The following FGF14 variants were observed in gnomAD, a reference collection of about 807,000 sequenced individuals.
FGF14 encodes fibroblast growth factor homologous factor 4.
FGF14 carries 5 observed loss-of-function variants against 25.5 expected under a neutral mutation model. That is an observed-to-expected ratio of 0.20 (90% CI 0.10 to 0.41). The LOEUF is 0.41. FGF14 is among the 10% of genes least tolerant of loss of function. The probability of loss-of-function intolerance (pLI) is 1.00; values close to 1 mark genes in which losing one functional copy is unlikely to be tolerated. For synonymous variants in FGF14, 138 were observed against 118.3 expected (o/e 1.17, Z -1.08); for missense variants, 222 against 320.1 (o/e 0.69, Z 2.34).
At chr13:102,295,361 G>GTT (rs2054649000) in intron 1 of FGF14, among the ~76,000 whole-genome samples, 1 of 152,096 alleles carries the variant, frequency 6.6e-6, no homozygotes, top group Non-Finnish European at 1.5e-5. Context: ...ATATCTAATG[G>GTT]TTCGTGGTGT....
chr13:101,715,857 G>A lies in FGF14; in HGVS notation c.*6974C>T. Reference sequence around the variant, plus strand: ...GATGCAAATAACATTAGAAAAAAAAGATTCTTCCATAATTAACATAAGTGG... The same window carrying A: ...GATGCAAATAACATTAGAAAAAAAAAATTCTTCCATAATTAACATAAGTGG... On this transcript the variant is annotated 3_prime_UTR_variant, in exon 5 of 5. Coordinates refer to ENST00000376143, the MANE Select transcript of FGF14 (RefSeq NM_004115.4). 2.2e-6 allele frequency: 1 copy of A among 460,416 alleles called. No individual in the cohort carries two copies. Among genetic ancestry groups the A allele is most frequent in the Non-Finnish European group, 3.9e-6 (1 of 257,188 alleles). 28.5% of individuals were successfully genotyped at this position (460,416 alleles called of 1,614,324 possible).
intron 1 of FGF14, among the ~76,000 whole-genome samples, chr13:102,166,262 CACTTT>C (rs1436047799): frequency 6.6e-6 from 1 of 151,242 alleles, no homozygotes; most frequent in Non-Finnish European, 1.5e-5. Context: ...ATTTGCCATT[CACTTT>C]ATTTTATTTT....
intron 1 of FGF14, among the ~76,000 whole-genome samples, chr13:102,225,280 C>T (rs1387826074): frequency 1.3e-5 from 2 of 152,054 alleles, no homozygotes; most frequent in Non-Finnish European, 2.9e-5. Flanking sequence ...CTTTCTTCAA[C>T]CCTGACTTTC....
intron 1 of FGF14, among the ~76,000 whole-genome samples, chr13:101,960,794 T>G (rs1346087455): frequency 6.6e-6 from 1 of 152,242 alleles, no homozygotes; most frequent in African/African-American, 2.4e-5. Flanking sequence ...GTTGAACTAA[T>G]GTACATTCCC....
intron 1 of FGF14, among the ~76,000 whole-genome samples, chr13:102,161,808 A>G (rs1375285741): frequency 6.6e-6 from 1 of 151,330 alleles, no homozygotes; most frequent in African/African-American, 2.4e-5. Context: ...CGTTCCCAAT[A>G]TAGTGCGCCT....
intron 1 of FGF14, among the ~76,000 whole-genome samples, chr13:101,951,469 G>T (rs958762896): frequency 6.6e-6 from 1 of 151,950 alleles, no homozygotes; most frequent in Non-Finnish European, 1.5e-5. Flanking sequence ...TTATTAAGAA[G>T]CAAGTCATTG....
intron 1 of FGF14, among the ~76,000 whole-genome samples, chr13:102,218,676 T>C (rs1031215864): frequency 6.6e-6 from 1 of 152,120 alleles, no homozygotes; most frequent in Non-Finnish European, 1.5e-5. Context: ...TTTAATCTTT[T>C]TCTTTTCGCC....
intron 1 of FGF14, among the ~76,000 whole-genome samples, chr13:102,383,067 A>C (rs891497934): frequency 3.3e-5 from 5 of 152,122 alleles, no homozygotes; most frequent in African/African-American, 4.8e-5. Context: ...AAAACTATTG[A>C]ATTGTATACT....
intron 1 of FGF14, among the ~76,000 whole-genome samples, chr13:102,187,194 C>T (rs1207136579): frequency 1.3e-5 from 2 of 152,178 alleles, no homozygotes; most frequent in East Asian, 1.9e-4. Context: ...AAGTGTGCTA[C>T]AAAAATTGCA....
At chr13:102,211,131 T>C (rs1318013762) in intron 1 of FGF14, among the ~76,000 whole-genome samples, 1 of 152,080 alleles carries the variant, frequency 6.6e-6, no homozygotes, top group Admixed American at 6.5e-5. Flanking sequence ...ATAGTTATAA[T>C]GCAAAAGGGA....
At chr13:101,866,097 C>A in intron 3 of FGF14, among the ~76,000 whole-genome samples, 1 of 151,938 alleles carries the variant, frequency 6.6e-6, no homozygotes, top group East Asian at 1.9e-4. Context: ...AATTAATACC[C>A]ATAATATAAT....
At chr13:102,201,607 G>T (rs1366225487) in intron 1 of FGF14, among the ~76,000 whole-genome samples, 2 of 152,172 alleles carry the variant, frequency 1.3e-5, no homozygotes, top group Non-Finnish European at 2.9e-5. Context: ...AGATGTTAGA[G>T]GATGCAAAAC....
intron 1 of FGF14, among the ~76,000 whole-genome samples, chr13:101,877,846 T>C (rs541789041): frequency 1.3e-5 from 2 of 152,310 alleles, no homozygotes; most frequent in South Asian, 4.1e-4. Flanking sequence ...ATTAAAACCT[T>C]ACCAAAATTG....
rs188179805 is a variant in FGF14, at chr13:101,871,892, T to A, written c.305-3064A>T. Among the ~76,000 whole-genome samples, 49 of 152,148 alleles carry A rather than the reference T, an allele frequency of 3.2e-4. 2 individuals carry two copies. In the East Asian group the frequency reaches 8.6e-3, roughly 27 times the overall value. On this transcript the variant is annotated intron_variant, in intron 2 of 4. Transcript: ENST00000376143. ...CTCCACCAGAACCATTTACCCATCATCCACAATTTTTGTGCTACTTTTCCT... is the reference window on the plus strand; with the variant it reads ...CTCCACCAGAACCATTTACCCATCAACCACAATTTTTGTGCTACTTTTCCT...
intron 1 of FGF14, among the ~76,000 whole-genome samples, chr13:102,159,239 A>G (rs1041478747): frequency 1.1e-4 from 16 of 152,154 alleles, no homozygotes; most frequent in African/African-American, 3.9e-4. Flanking sequence ...AATATGGCAA[A>G]TGTAATCATT....
intron 1 of FGF14, among the ~76,000 whole-genome samples, chr13:102,378,716 C>G (rs945603725): frequency 6.7e-6 from 1 of 150,082 alleles, no homozygotes; most frequent in African/African-American, 2.5e-5. Context: ...AACAAAAAAA[C>G]AAAAAGAATC....
chr13:102,195,029 T>C (rs184145207), intron 1 of FGF14, among the ~76,000 whole-genome samples: 17 of 151,384 alleles, frequency 1.1e-4, no homozygotes, highest in Admixed American at 9.2e-4. Flanking sequence ...TCTTCAAAAA[T>C]GAAAAAAAAA....
chr13:101,945,754 C>T (rs1055897281), intron 1 of FGF14, among the ~76,000 whole-genome samples: 2 of 152,214 alleles, frequency 1.3e-5, no homozygotes, highest in Non-Finnish European at 2.9e-5. Flanking sequence ...TGCCAAAGCC[C>T]AGGCAGCTCT....
chr13:102,230,037 A>G (rs943197713), intron 1 of FGF14, among the ~76,000 whole-genome samples: 19 of 152,274 alleles, frequency 1.2e-4, no homozygotes, highest in Admixed American at 9.8e-4. Context: ...CTCACCCCCA[A>G]GGTGATGGTA....
Sources: gnomAD v4.1 joint callset for allele counts (sites outside exome capture counted in the v4.1 genomes callset) on GRCh38, gnomAD v4.1.1 for gene constraint, MANE v1.5 for transcripts, NCBI Gene and HGNC (gene_info 2026-07-23, HGNC 2026-07-21) for gene names.